Variants in LRP1B observed in about 807,000 individuals in gnomAD.
LRP1B encodes low-density lipoprotein receptor-related protein 1B.
Under a neutral mutation model 556.6 loss-of-function variants are expected in LRP1B, and 217 were observed. The ratio of observed to expected loss-of-function variants is 0.39; its 90% CI spans 0.35 to 0.44. The LOEUF (loss-of-function observed/expected upper bound fraction) is 0.44. Ranked by LOEUF, LRP1B falls within the 20% of genes least tolerant of loss-of-function variation. The pLI, the probability that LRP1B is intolerant of heterozygous loss-of-function variation, is 1.00. For missense variants in LRP1B, 5,053 were observed against 5,620.8 expected (o/e 0.90, Z 3.23); for synonymous variants, 2,047 against 1,865.8 (o/e 1.10, Z -2.50).
intron 7 of LRP1B, among the ~76,000 whole-genome samples, chr2:141,147,082 C>T (rs962657539): frequency 6.6e-6 from 1 of 152,178 alleles, no homozygotes; most frequent in South Asian, 2.1e-4. Context: ...TTCTTCTCCC[C>T]TCCTTTTCTG....
At chr2:140,675,212 A>G (rs1181720081) in intron 41 of LRP1B, among the ~76,000 whole-genome samples, 1 of 152,240 alleles carries the variant, frequency 6.6e-6, no homozygotes, top group African/African-American at 2.4e-5. Flanking sequence ...TGACTTGATC[A>G]TATCTACAAA....
At chr2:140,721,898 A>G (rs1574281448) in intron 35 of LRP1B, among the ~76,000 whole-genome samples, 1 of 151,686 alleles carries the variant, frequency 6.6e-6, no homozygotes, top group Non-Finnish European at 1.5e-5. Flanking sequence ...ATATATATTT[A>G]AGTATATAAA....
intron 1 of LRP1B, among the ~76,000 whole-genome samples, chr2:142,041,657 G>A (rs954686454): frequency 6.6e-6 from 1 of 151,464 alleles, no homozygotes; most frequent in African/African-American, 2.4e-5. Flanking sequence ...AGGAATTGAA[G>A]AGCTTTAAGA....
intron 2 of LRP1B, among the ~76,000 whole-genome samples, chr2:141,641,553 T>C (rs1436053231): frequency 6.6e-6 from 1 of 152,172 alleles, no homozygotes; most frequent in Non-Finnish European, 1.5e-5. Flanking sequence ...CATTTTAAAA[T>C]ATACATTCAA....
At chr2:140,956,334 A>G (rs997589583) in intron 18 of LRP1B, among the ~76,000 whole-genome samples, 12 of 151,764 alleles carry the variant, frequency 7.9e-5, no homozygotes, top group African/African-American at 2.9e-4. Context: ...TTTTTTCACT[A>G]TACCATGCTG....
chr2:140,701,332 A>G (rs1686632667), intron 40 of LRP1B, among the ~76,000 whole-genome samples: 1 of 152,120 alleles, frequency 6.6e-6, no homozygotes, highest in African/African-American at 2.4e-5. Flanking sequence ...CTTTGGGATC[A>G]TAACCACTTA....
At chr2:141,528,030 G>A (rs1684748812) in intron 2 of LRP1B, among the ~76,000 whole-genome samples, 1 of 151,826 alleles carries the variant, frequency 6.6e-6, no homozygotes, top group Non-Finnish European at 1.5e-5. Flanking sequence ...ACAGACACTT[G>A]TGAAAGTTCT....
Position 141,075,043 on chromosome 2 carries a change from C to T in LRP1B, c.1014-12770G>A, listed in dbSNP as rs377551266. Among the ~76,000 whole-genome samples, 11 of 152,068 alleles carry T rather than the reference C, an allele frequency of 7.2e-5. No individual in the cohort carries two copies. The East Asian group carries it at 9.7e-4, about 13-fold the overall frequency. On this transcript the variant is annotated intron_variant, in intron 7 of 90. Coordinates refer to ENST00000389484, the MANE Select transcript of LRP1B (RefSeq NM_018557.3). ...ACTATAACAGAACTCGGATGTATTCCGAAAAGGGTTAGATTGGCTCTCAAA... is the reference window on the plus strand; with the variant it reads ...ACTATAACAGAACTCGGATGTATTCTGAAAAGGGTTAGATTGGCTCTCAAA...
At chr2:141,390,423 T>A (rs1409793785) in intron 3 of LRP1B, among the ~76,000 whole-genome samples, 1 of 152,138 alleles carries the variant, frequency 6.6e-6, no homozygotes, top group Non-Finnish European at 1.5e-5. Context: ...AATTGCCAAA[T>A]GAACCAGCAA....
intron 37 of LRP1B, among the ~76,000 whole-genome samples, chr2:140,714,988 A>T (rs1687159119): frequency 6.6e-6 from 1 of 152,222 alleles, no homozygotes; most frequent in Non-Finnish European, 1.5e-5. Context: ...AGGTCAAATA[A>T]AATTTAACAA....
intron 41 of LRP1B, among the ~76,000 whole-genome samples, chr2:140,640,184 T>G (rs1175501837): frequency 6.6e-6 from 1 of 150,520 alleles, no homozygotes; most frequent in Non-Finnish European, 1.5e-5. Context: ...TTTTGTATTT[T>G]TAGTAGAGAC....
chr2:140,634,162 T>C (rs1479821281), intron 41 of LRP1B, among the ~76,000 whole-genome samples: 2 of 152,124 alleles, frequency 1.3e-5, no homozygotes, highest in Admixed American at 1.3e-4. Context: ...AATCAATCAA[T>C]ATTAATCCAC....
At chr2:140,377,327 G>A (rs1274345751) in intron 68 of LRP1B, among the ~76,000 whole-genome samples, 1 of 151,972 alleles carries the variant, frequency 6.6e-6, no homozygotes, top group Non-Finnish European at 1.5e-5. Context: ...CACCCGCCTC[G>A]GCCTCCCAAA....
intron 47 of LRP1B, among the ~76,000 whole-genome samples, chr2:140,531,464 T>C (rs1170818409): frequency 6.6e-6 from 1 of 152,132 alleles, no homozygotes; most frequent in Non-Finnish European, 1.5e-5. Flanking sequence ...CTTCCTAAAC[T>C]ACAGTGTCAA....
intron 2 of LRP1B, among the ~76,000 whole-genome samples, chr2:141,757,377 C>T (rs1694361049): frequency 6.6e-6 from 1 of 152,068 alleles, no homozygotes; most frequent in Non-Finnish European, 1.5e-5. Flanking sequence ...AATCTCAGGC[C>T]TCATCTCTTT....
At chr2:141,521,857 T>A (rs2105175274) in intron 2 of LRP1B, among the ~76,000 whole-genome samples, 1 of 152,164 alleles carries the variant, frequency 6.6e-6, no homozygotes, top group South Asian at 2.1e-4. Flanking sequence ...TACAGTTAAA[T>A]TTGTACTAAT....
At chr2:142,010,646 C>G (rs1158620480) in intron 1 of LRP1B, among the ~76,000 whole-genome samples, 1 of 151,206 alleles carries the variant, frequency 6.6e-6, no homozygotes, top group Non-Finnish European at 1.5e-5. Flanking sequence ...CCTCTCGTGT[C>G]TCCCAGCCAC....
chr2:140,627,283 G>C (rs540489334), intron 41 of LRP1B, among the ~76,000 whole-genome samples: 3 of 152,264 alleles, frequency 2.0e-5, no homozygotes, highest in African/African-American at 7.2e-5. Context: ...ATTAACATTT[G>C]AGTTGGTGGA....
At chr2:141,414,805 T>C (rs1330553392) in intron 3 of LRP1B, among the ~76,000 whole-genome samples, 1 of 152,214 alleles carries the variant, frequency 6.6e-6, no homozygotes, top group African/African-American at 2.4e-5. Context: ...TTGTAGTTTA[T>C]AACCAAAACT....
Sources: gnomAD v4.1 joint callset for allele counts (sites outside exome capture counted in the v4.1 genomes callset) on GRCh38, gnomAD v4.1.1 for gene constraint, MANE v1.5 for transcripts, NCBI Gene and HGNC (gene_info 2026-07-23, HGNC 2026-07-21) for gene names.